The following CSGALNACT1 variants were observed in gnomAD, a reference collection of about 807,000 sequenced individuals.
The protein encoded by CSGALNACT1 is chondroitin sulfate N-acetylgalactosaminyltransferase 1, also known as beta4GalNAcT-1.
A neutral mutation model predicts 51.0 loss-of-function variants in CSGALNACT1; 52 were observed. The observed-to-expected ratio is 1.02, with a 90% CI of 0.82 to 1.29. The LOEUF (loss-of-function observed/expected upper bound fraction) is 1.29, where lower values mean the gene tolerates loss of function less well. Among genes scored for constraint, CSGALNACT1 ranks in the 50% most tolerant of loss-of-function variants. The pLI is 0.00. For missense variants in CSGALNACT1, 935 were observed against 679.2 expected (o/e 1.38, Z -4.19); for synonymous variants, 341 against 254.4 (o/e 1.34, Z -3.24).
chr8:19,423,728 G>C (rs1350698751), intron 6 of CSGALNACT1, among the ~76,000 whole-genome samples: 1 of 152,144 alleles, frequency 6.6e-6, no homozygotes, highest in Non-Finnish European at 1.5e-5. Context: ...CAGGCAAATG[G>C]ATGCTGGGGA....
At chr8:19,560,531 A>C (rs1448840569) in intron 3 of CSGALNACT1, among the ~76,000 whole-genome samples, 1 of 152,204 alleles carries the variant, frequency 6.6e-6, no homozygotes, top group Non-Finnish European at 1.5e-5. Flanking sequence ...AGAATTCTGC[A>C]AACAATTCAA....
intron 1 of CSGALNACT1, among the ~76,000 whole-genome samples, chr8:19,652,829 A>C (rs1019419143): frequency 6.6e-6 from 1 of 152,138 alleles, no homozygotes; most frequent in Non-Finnish European, 1.5e-5. Context: ...GCAGCAACGG[A>C]AACTACTGAC....
chr8:19,463,731 C>T (rs2153830507), intron 4 of CSGALNACT1, among the ~76,000 whole-genome samples: 1 of 152,332 alleles, frequency 6.6e-6, no homozygotes, highest in East Asian at 1.9e-4. Flanking sequence ...CTACCTGGCA[C>T]CTCCGTGTCT....
intron 3 of CSGALNACT1, among the ~76,000 whole-genome samples, chr8:19,532,901 C>G (rs2083049129): frequency 6.6e-6 from 1 of 152,196 alleles, no homozygotes; most frequent in South Asian, 2.1e-4. Flanking sequence ...ATCCACCGGA[C>G]TCAGTATTTT....
intron 9 of CSGALNACT1, among the ~76,000 whole-genome samples, chr8:19,406,540 G>C (rs2054211585): frequency 7.0e-6 from 1 of 142,616 alleles, no homozygotes; most frequent in African/African-American, 2.6e-5. Flanking sequence ...ACCCTGATGT[G>C]ATGATTACAC....
chr8:19,609,977 T>C (rs2051977276), intron 1 of CSGALNACT1, among the ~76,000 whole-genome samples: 1 of 151,836 alleles, frequency 6.6e-6, no homozygotes, highest in South Asian at 2.1e-4. Context: ...TCCCAGCAGT[T>C]TGGGAGGCCG....
intron 1 of CSGALNACT1, among the ~76,000 whole-genome samples, chr8:19,626,049 T>C (rs993443971): frequency 1.3e-5 from 2 of 152,232 alleles, no homozygotes; most frequent in African/African-American, 4.8e-5. Context: ...AGCAAGATTT[T>C]TTGTAGATAT....
At chr8:19,459,793 C>T (rs2064979956) in intron 4 of CSGALNACT1, among the ~76,000 whole-genome samples, 1 of 152,104 alleles carries the variant, frequency 6.6e-6, no homozygotes, top group Admixed American at 6.5e-5. Flanking sequence ...TGCAATAAAC[C>T]CTCGATAAAT....
chr8:19,469,462 G>A (rs2067570594), intron 4 of CSGALNACT1, among the ~76,000 whole-genome samples: 1 of 152,102 alleles, frequency 6.6e-6, no homozygotes, highest in Non-Finnish European at 1.5e-5. Context: ...CCATCCACAG[G>A]TAGTCTTATC....
intron 3 of CSGALNACT1, among the ~76,000 whole-genome samples, chr8:19,546,013 A>G (rs2086387125): frequency 6.6e-6 from 1 of 151,952 alleles, no homozygotes. Flanking sequence ...TAGCCCAAGA[A>G]AATTTAGGTC....
intron 5 of CSGALNACT1, among the ~76,000 whole-genome samples, chr8:19,456,627 A>G (rs145273690): frequency 9.8e-4 from 149 of 152,368 alleles, no homozygotes; most frequent in Middle Eastern, 6.8e-3. Context: ...AAGAAGGTTG[A>G]AAGAAGCCAA....
chr8:19,568,316 G>C (rs910107452), intron 3 of CSGALNACT1, among the ~76,000 whole-genome samples: 5 of 152,126 alleles, frequency 3.3e-5, no homozygotes, highest in African/African-American at 1.2e-4. Context: ...TAACACAAGG[G>C]TAAGTATTTG....
intron 1 of CSGALNACT1, among the ~76,000 whole-genome samples, chr8:19,725,688 G>A (rs1232729398): frequency 6.6e-6 from 1 of 152,044 alleles, no homozygotes; most frequent in Non-Finnish European, 1.5e-5. Context: ...CTCCCAAAGT[G>A]CTGGGATTAC....
In CSGALNACT1 at chr8:19,486,309, C is replaced by T. The variant is rs144016701; in HGVS notation, c.634+18892G>A. 3.4e-3 allele frequency among the ~76,000 whole-genome samples: 517 copies of T among 152,236 alleles called. 3 individuals carry two copies. The highest frequency in any genetic ancestry group is 0.012 in the African/African-American group (495 of 41,548). On this transcript the variant is annotated intron_variant, in intron 4 of 9. Transcript: ENST00000454498. ...ACCTGCTGCCTGGTAACTGTCATGG[C>T]TGCCTAATGGTGGTCTCTGAGCTTC...
At chr8:19,505,448 G>C (rs370566055) in exon 4 of CSGALNACT1, 2 of 1,614,068 alleles carry the variant, frequency 1.2e-6, no homozygotes, top group Non-Finnish European at 1.7e-6. Context: ...CCTCTGCCTT[G>C]TCCACCTGCG....
chr8:19,516,744 G>T (rs1051542612), intron 3 of CSGALNACT1, among the ~76,000 whole-genome samples: 2 of 152,328 alleles, frequency 1.3e-5, no homozygotes, highest in South Asian at 4.1e-4. Context: ...TGGGTGGGCT[G>T]GGGGAATGTC....
In CSGALNACT1 at chr8:19,664,251, A is replaced by T. The variant is rs1011704678; in HGVS notation, c.-544+18222T>A. Reference sequence around the variant, plus strand: ...ACTAGTTTTACAGGATTGCAGGATGAATAAATGGCATTTTGCAAACTAAAA... The same window carrying T: ...ACTAGTTTTACAGGATTGCAGGATGTATAAATGGCATTTTGCAAACTAAAA... On this transcript the variant is annotated intron_variant, in intron 1 of 9. Coordinates refer to the CSGALNACT1 transcript ENST00000332246. 3.3e-4 allele frequency among the ~76,000 whole-genome samples: 51 copies of T among 152,246 alleles called. 1 individual carries two copies. Among genetic ancestry groups the T allele is most frequent in the Admixed American group, 3.1e-3 (48 of 15,280 alleles).
At chr8:19,634,427 C>A (rs761589881) in intron 1 of CSGALNACT1, among the ~76,000 whole-genome samples, 1 of 151,812 alleles carries the variant, frequency 6.6e-6, no homozygotes, top group South Asian at 2.1e-4. Flanking sequence ...AGAGAGAGGC[C>A]GAGGCAAGAG....
At chr8:19,420,091 G>A (rs2153695981) in intron 7 of CSGALNACT1, among the ~76,000 whole-genome samples, 1 of 152,262 alleles carries the variant, frequency 6.6e-6, no homozygotes, top group South Asian at 2.1e-4. Flanking sequence ...ATGATTGTGA[G>A]GCCTCCCCAG....
Sources: gnomAD v4.1 joint callset for allele counts (sites outside exome capture counted in the v4.1 genomes callset) on GRCh38, gnomAD v4.1.1 for gene constraint, MANE v1.5 for transcripts, NCBI Gene and HGNC (gene_info 2026-07-23, HGNC 2026-07-21) for gene names.